The following CASS4 variants were observed in gnomAD, a reference collection of about 807,000 sequenced individuals.
CASS4 encodes the protein Cas scaffold protein family member 4, also known as cas scaffolding protein family member 4.
Under a neutral mutation model 54.2 loss-of-function variants are expected in CASS4, and 22 were observed. The ratio of observed to expected loss-of-function variants is 0.41; its 90% CI spans 0.29 to 0.58. The LOEUF is 0.58. CASS4 is among the 20% of genes least tolerant of loss of function. CASS4 has a pLI of 0.36. For synonymous variants in CASS4, 409 were observed against 391.5 expected (o/e 1.04, Z -0.53); for missense variants, 854 against 986.7 (o/e 0.87, Z 1.80).
At chr20:56,455,505 G>A (rs893469515) in intron 5 of CASS4, among the ~76,000 whole-genome samples, 5 of 152,188 alleles carry the variant, frequency 3.3e-5, no homozygotes, top group African/African-American at 1.2e-4. Context: ...TCAGCTCCCT[G>A]AACCCCAAAC....
upstream of CASS4, chr20:56,412,174 G>A: frequency 2.2e-6 from 1 of 453,628 alleles, no homozygotes; most frequent in South Asian, 2.5e-5. The surrounding 1 kb of genome is among the most constrained non-coding windows in gnomAD (Gnocchi z 4.2). Context: ...ATGAGTGACA[G>A]TCTCTACTTA....
Position 56,452,757 on chromosome 20 carries a change from C to T in CASS4, c.1581C>T (p.Tyr527=). ...AGATGCAGACCATCTCCAACTCCTA[C>T]CGCATCCTGCTTGAAACAAAGGAAA... is the stretch of plus-strand genomic sequence containing the variant. ...RDQMQTISNS[Y]RILLETKESL... is the part of the protein sequence containing the mutation. The change falls in exon 5 of 6, where the codon TAC becomes TAT. Residue 527 remains tyrosine (Y), a synonymous_variant. Coordinates refer to ENST00000679887, the MANE Select transcript of CASS4 (RefSeq NM_020356.4). 1.9e-6 allele frequency: 3 copies of T among 1,614,090 alleles called. No individual in the cohort carries two copies. The highest frequency in any genetic ancestry group is 2.5e-6 in the Non-Finnish European group (3 of 1,180,024).
chr20:56,448,422 C>G (rs182097839), intron 3 of CASS4, among the ~76,000 whole-genome samples: 4 of 152,304 alleles, frequency 2.6e-5, no homozygotes, highest in African/African-American at 4.8e-5. Context: ...ATCCACAGCA[C>G]GGCTGCCACC....
chr20:56,418,635 G>A (rs1273582614), intron 1 of CASS4, among the ~76,000 whole-genome samples: 2 of 152,204 alleles, frequency 1.3e-5, no homozygotes, highest in East Asian at 3.9e-4. Flanking sequence ...GGACACGAAG[G>A]AGAATCGTGT....
At chr20:56,431,422 A>C (rs1979897822) in intron 1 of CASS4, among the ~76,000 whole-genome samples, 1 of 152,238 alleles carries the variant, frequency 6.6e-6, no homozygotes, top group Admixed American at 6.5e-5. Flanking sequence ...CACCCCTGTC[A>C]ATTGTAATGA....
intron 1 of CASS4, among the ~76,000 whole-genome samples, chr20:56,432,246 A>G (rs1263223916): frequency 6.6e-6 from 1 of 152,116 alleles, no homozygotes; most frequent in Non-Finnish European, 1.5e-5. Context: ...CAGATAATAA[A>G]CCTTTCAGAT....
intron 2 of CASS4, among the ~76,000 whole-genome samples, chr20:56,443,337 C>T (rs911569157): frequency 2.6e-5 from 4 of 151,026 alleles, no homozygotes; most frequent in Non-Finnish European, 2.9e-5. Context: ...GGTGTGGTGG[C>T]GGGCACCTGT....
chr20:56,418,731 T>C (rs1979265695), intron 1 of CASS4, among the ~76,000 whole-genome samples: 2 of 151,980 alleles, frequency 1.3e-5, no homozygotes, highest in Non-Finnish European at 2.9e-5. Flanking sequence ...GCAGAAAAAA[T>C]AGTAAATCAA....
At chr20:56,439,316 G>A (rs952496007) in intron 2 of CASS4, among the ~76,000 whole-genome samples, 6 of 151,900 alleles carry the variant, frequency 3.9e-5, no homozygotes, top group Admixed American at 2.6e-4. Flanking sequence ...TTACAGGTGT[G>A]AGCCACCATG....
chr20:56,452,736 G>A lies in CASS4; in HGVS notation c.1560G>A (p.Met520Ile), dbSNP rs1363216775. 3.1e-6 allele frequency: 5 copies of A among 1,613,978 alleles called. No homozygotes were observed. Among genetic ancestry groups the A allele is most frequent in the Non-Finnish European group, 3.4e-6 (4 of 1,180,028 alleles). Residue 520 changes from methionine (M) to isoleucine (I), a missense_variant, in exon 5 of 6, where the codon ATG (methionine) becomes ATA (isoleucine). Transcript: ENST00000679887. ...TTCAGAACAGAATTCGGGACCAGATGCAGACCATCTCCAACTCCTACCGCA... is the reference window on the plus strand; with the variant it reads ...TTCAGAACAGAATTCGGGACCAGATACAGACCATCTCCAACTCCTACCGCA... The part of the protein sequence containing the change: ...SNLQNRIRDQ[M>I]QTISNSYRIL...
chr20:56,458,834 C>T lies in CASS4; in HGVS notation c.*87C>T, dbSNP rs899226975. The T allele has an allele frequency of 7.5e-6, 10 of 1,327,314 alleles. No individual in the cohort carries two copies. The East Asian group carries it at 1.3e-4, about 17-fold the overall frequency. 82.2% of individuals were successfully genotyped at this position (1,327,314 alleles called of 1,614,324 possible). A position where few individuals can be genotyped will look rare whatever the true frequency, so the allele number is the denominator to read the frequency against. On this transcript the variant is annotated 3_prime_UTR_variant, in exon 6 of 6. Transcript: ENST00000679887. ...ACTCTGCCCTATGGGAAAAGCCAGC[C>T]GGGGCATACACCAATGAGCTGAAAC...
rs2146266692 is a variant in CASS4, at chr20:56,422,876, A to G, written c.36+10382A>G. 2.0e-5 allele frequency among the ~76,000 whole-genome samples: 3 copies of G among 152,330 alleles called. 1 individual carries two copies. The highest frequency in any genetic ancestry group is 2.0e-4 in the Admixed American group (3 of 15,308). The stretch of plus-strand genomic sequence containing the variant: ...TTCTTTTTCTCTCATATCCCTCCTC[A>G]TATCCAAGTTCACCCGGTTCATTCA... On this transcript the variant is annotated intron_variant, in intron 1 of 5. Transcript: ENST00000679887.
chr20:56,425,717 A>G (rs937548996), intron 1 of CASS4, among the ~76,000 whole-genome samples: 6 of 152,192 alleles, frequency 3.9e-5, no homozygotes, highest in Admixed American at 2.6e-4. Context: ...TGTAAATTAG[A>G]TTTTTATATT....
In CASS4 at chr20:56,431,176, G is replaced by T. The variant is rs1185619997; in HGVS notation, c.37-5988G>T. Among the ~76,000 whole-genome samples, 3 of 152,172 alleles carry T rather than the reference G, an allele frequency of 2.0e-5. No homozygotes were observed. In the East Asian group the frequency reaches 5.8e-4, roughly 29 times the overall value. ...TCAGTTCTCTCATCTGTAAAATGGG[G>T]ATAAGAAAGTCTGCCTCTGAGATTT... is the stretch of plus-strand genomic sequence containing the variant. On this transcript the variant is annotated intron_variant, in intron 1 of 5. Coordinates refer to ENST00000679887, the MANE Select transcript of CASS4 (RefSeq NM_020356.4).
chr20:56,442,278 G>A (rs1328837209), intron 2 of CASS4, among the ~76,000 whole-genome samples: 3 of 151,860 alleles, frequency 2.0e-5, no homozygotes, highest in East Asian at 1.9e-4. Flanking sequence ...AGCTGGGTGC[G>A]ATCTCTGCAT....
chr20:56,436,709 A>G (rs1980185306), intron 1 of CASS4, among the ~76,000 whole-genome samples: 2 of 152,042 alleles, frequency 1.3e-5, no homozygotes, highest in Admixed American at 1.3e-4. Flanking sequence ...GGGCAATGGC[A>G]AAACCCCTTC....
chr20:56,446,403 A>T (rs182340862), intron 3 of CASS4, among the ~76,000 whole-genome samples: 1 of 152,248 alleles, frequency 6.6e-6, no homozygotes, highest in Non-Finnish European at 1.5e-5. Flanking sequence ...TATTTATAAT[A>T]GATATTTAAT....
chr20:56,441,386 C>T (rs1053577174), intron 2 of CASS4, among the ~76,000 whole-genome samples: 4 of 151,410 alleles, frequency 2.6e-5, no homozygotes, highest in Non-Finnish European at 4.4e-5. Flanking sequence ...GGGTGGATCA[C>T]CTGAGGTCAG....
At position 56,437,116 on chromosome 20, in the gene CASS4, T is replaced by G. The variant is rs754337093; in HGVS notation, c.37-48T>G. ...AGAGTGGGATTGGAGTAGCAGTCAC[T>G]GGCCACGGTGCTAACTGCAAATTCT... On this transcript the variant is annotated intron_variant, in intron 1 of 5. Transcript: ENST00000679887. This position sits in a 1 kb window ranked among gnomAD's most constrained non-coding sequence, Gnocchi z 4.7. 6.8e-7 allele frequency: 1 copy of G among 1,473,014 alleles called. No homozygotes were observed. Among genetic ancestry groups the G allele is most frequent in the Non-Finnish European group, 9.1e-7 (1 of 1,095,110 alleles). 91.2% of individuals were successfully genotyped at this position (1,473,014 alleles called of 1,614,324 possible).
Sources: gnomAD v4.1 joint callset for allele counts (sites outside exome capture counted in the v4.1 genomes callset) on GRCh38, gnomAD v4.1.1 for gene constraint, Gnocchi (gnomAD v3.1) non-coding constraint, MANE v1.5 for transcripts, NCBI Gene and HGNC (gene_info 2026-07-23, HGNC 2026-07-21) for gene names.